Variants in DCAF8L2 observed in about 807,000 individuals in gnomAD.
The protein encoded by DCAF8L2 is DDB1- and CUL4-associated factor 8-like protein 2.
For missense variants in DCAF8L2, 430 were observed against 490.7 expected (o/e 0.88, Z 1.17); for synonymous variants, 200 against 190.9 (o/e 1.05, Z -0.39).
chrX:27,474,881 G>C, the DCAF8L2 span, among the ~76,000 whole-genome samples: 2 of 110,917 alleles, frequency 1.8e-5, no homozygotes, highest in African/African-American at 3.3e-5. Flanking sequence ...TCTGGCCCAG[G>C]CACTATATGA....
intron 1 of DCAF8L2, 136 bp downstream of exon 1, chrX:27,590,576 G>A (rs1926024495): frequency 9.0e-6 from 1 of 111,094 alleles, no homozygotes; most frequent in Non-Finnish European, 1.9e-5. Context: ...ATACTGAGCG[G>A]AAATAGTCTT....
At chrX:27,609,591 A>C (rs1405397922) in intron 1 of DCAF8L2, among the ~76,000 whole-genome samples, 5 of 111,718 alleles carry the variant, frequency 4.5e-5, no homozygotes, top group African/African-American at 1.6e-4. Context: ...CAAATTCTTT[A>C]CAGGTCATCA....
chrX:27,475,204 T>C, the DCAF8L2 span, among the ~76,000 whole-genome samples: 1 of 111,506 alleles, frequency 9.0e-6, no homozygotes, highest in African/African-American at 3.3e-5. Flanking sequence ...ACTAGGATTA[T>C]GTCACTCACT....
chrX:27,737,131 A>G (rs1399032608), intron 4 of DCAF8L2, among the ~76,000 whole-genome samples: 1 of 111,921 alleles, frequency 8.9e-6, no homozygotes, highest in African/African-American at 3.2e-5. Context: ...CTCAGCTTTA[A>G]CTTCTAGTAC....
chrX:27,612,181 C>A (rs1435659626), intron 1 of DCAF8L2, among the ~76,000 whole-genome samples: 2 of 111,969 alleles, frequency 1.8e-5, no homozygotes, highest in African/African-American at 3.2e-5. Flanking sequence ...ATTTGCATTT[C>A]TCTCATGACC....
At chrX:27,546,499 A>G in the DCAF8L2 span, among the ~76,000 whole-genome samples, 1 of 111,884 alleles carries the variant, frequency 8.9e-6, no homozygotes, top group Non-Finnish European at 1.9e-5. Context: ...GGGGGCTCTA[A>G]CCCTACATTT....
chrX:27,515,407 T>C, the DCAF8L2 span, among the ~76,000 whole-genome samples: 1 of 111,975 alleles, frequency 8.9e-6, no homozygotes, highest in Non-Finnish European at 1.9e-5. Context: ...TAGCCAGGCG[T>C]GGTGGTGCAT....
the DCAF8L2 span, among the ~76,000 whole-genome samples, chrX:27,564,575 G>A: frequency 2.7e-5 from 3 of 110,417 alleles, no homozygotes; most frequent in African/African-American, 9.9e-5. Context: ...AGGCTTCTAT[G>A]CCACATCAGC....
the DCAF8L2 span, among the ~76,000 whole-genome samples, chrX:27,550,645 A>G: frequency 2.8e-5 from 3 of 108,082 alleles, no homozygotes; most frequent in East Asian, 8.5e-4. Flanking sequence ...ATCCAACCGC[A>G]CCTTTGTATT....
At chrX:27,505,293 A>G in the DCAF8L2 span, among the ~76,000 whole-genome samples, 2 of 111,156 alleles carry the variant, frequency 1.8e-5, no homozygotes, top group Non-Finnish European at 3.8e-5. Flanking sequence ...CTGTCATCCA[A>G]TACAGAACAT....
the DCAF8L2 span, among the ~76,000 whole-genome samples, chrX:27,568,619 C>A: frequency 5.6e-5 from 6 of 107,708 alleles, no homozygotes; most frequent in Admixed American, 9.9e-5. Flanking sequence ...GTTTGTAGAG[C>A]AAGTACCAGA....
chrX:27,547,524 G>A, the DCAF8L2 span, among the ~76,000 whole-genome samples: 1 of 112,027 alleles, frequency 8.9e-6, no homozygotes, highest in African/African-American at 3.2e-5. Flanking sequence ...TGGCTGGAGA[G>A]GCCTCAGGAA....
chrX:27,559,367 AC>A, the DCAF8L2 span, among the ~76,000 whole-genome samples: 2 of 111,616 alleles, frequency 1.8e-5, no homozygotes, highest in Non-Finnish European at 3.8e-5. Flanking sequence ...GTAAAGGCAA[AC>A]CCATATCCAA....
At chrX:27,629,402 ATTTC>A (rs1403960665) in intron 1 of DCAF8L2, among the ~76,000 whole-genome samples, 2 of 109,865 alleles carry the variant, frequency 1.8e-5, no homozygotes, top group East Asian at 2.9e-4. Context: ...TAGAGGTTAA[ATTTC>A]TTTCTCTCTC....
chrX:27,475,700 A>C, the DCAF8L2 span, among the ~76,000 whole-genome samples: 1 of 82,892 alleles, frequency 1.2e-5, no homozygotes, highest in African/African-American at 3.8e-5. Context: ...ATTTTGCCAT[A>C]CAAGTACTGA....
At chrX:27,517,157 C>T in the DCAF8L2 span, among the ~76,000 whole-genome samples, 1 of 111,737 alleles carries the variant, frequency 8.9e-6, no homozygotes, top group Non-Finnish European at 1.9e-5. Flanking sequence ...AAAAAACTAA[C>T]CACCAGCTGT....
At chrX:27,702,619 A>G (rs761395082) in intron 3 of DCAF8L2, among the ~76,000 whole-genome samples, 23 of 111,471 alleles carry the variant, frequency 2.1e-4, no homozygotes, top group Non-Finnish European at 2.3e-4. Context: ...AATCATCTTA[A>G]TAGATACAGA....
chrX:27,528,708 T>C, the DCAF8L2 span, among the ~76,000 whole-genome samples: 1 of 110,662 alleles, frequency 9.0e-6, no homozygotes. Context: ...ACTCTTTGTT[T>C]TTCCAGTTTT....
chrX:27,666,348 A>G (rs1175780228), intron 2 of DCAF8L2, among the ~76,000 whole-genome samples: 1 of 111,932 alleles, frequency 8.9e-6, no homozygotes, highest in African/African-American at 3.2e-5. Context: ...TCTTCTGGAA[A>G]GGCCAATATT....
Sources: gnomAD v4.1 joint callset for allele counts (sites outside exome capture counted in the v4.1 genomes callset) on GRCh38, gnomAD v4.1.1 for gene constraint, MANE v1.5 for transcripts, NCBI Gene and HGNC (gene_info 2026-07-23, HGNC 2026-07-21) for gene names.